The following RHEB variants were observed in gnomAD, a reference collection of about 807,000 sequenced individuals.
RHEB encodes Ras homolog, mTORC1 binding.
Under a neutral mutation model 28.8 loss-of-function variants are expected in RHEB, and 2 were observed. The ratio of observed to expected loss-of-function variants is 0.07; its 90% CI spans 0.03 to 0.22. The LOEUF is 0.22. Ranked by LOEUF, RHEB falls within the 10% of genes least tolerant of loss-of-function variation. The probability of loss-of-function intolerance (pLI) is 1.00; values close to 1 mark genes in which losing one functional copy is unlikely to be tolerated. For synonymous variants in RHEB, 69 were observed against 77.3 expected (o/e 0.89, Z 0.56); for missense variants, 76 against 219.9 (o/e 0.35, Z 4.14).
At chr7:151,510,911 CT>C (rs1157739290) in intron 1 of RHEB, among the ~76,000 whole-genome samples, 7 of 151,836 alleles carry the variant, frequency 4.6e-5, no homozygotes, top group African/African-American at 1.7e-4. Flanking sequence ...GACCTCATGT[CT>C]ACAAAAAAAT....
intron 2 of RHEB, among the ~76,000 whole-genome samples, chr7:151,490,644 G>A (rs547258982): frequency 6.6e-6 from 1 of 152,174 alleles, no homozygotes; most frequent in Non-Finnish European, 1.5e-5. Context: ...AAGGGGGTGT[G>A]GGGGAGAAGA....
At chr7:151,489,387 A>T (rs1462653975) in intron 2 of RHEB, among the ~76,000 whole-genome samples, 2 of 152,184 alleles carry the variant, frequency 1.3e-5, no homozygotes, top group South Asian at 4.1e-4. Flanking sequence ...CAGCTAGACA[A>T]ATCATAGGAT....
chr7:151,492,207 C>T (rs376507849), intron 1 of RHEB, among the ~76,000 whole-genome samples: 1 of 152,226 alleles, frequency 6.6e-6, no homozygotes, highest in Non-Finnish European at 1.5e-5. Flanking sequence ...TCTTACACTA[C>T]TGGGTTTAAT....
In RHEB at chr7:151,502,411, A is replaced by G. The variant is rs182124628; in HGVS notation, c.53-11397T>C. 130 of 803,338 alleles carry G rather than the reference A, an allele frequency of 1.6e-4. 1 individual carries two copies. The East Asian group carries it at 2.2e-3, about 13-fold the overall frequency. The allele number at this position is 803,338 out of a possible 1,614,324, so 49.8% of individuals were successfully genotyped here. ...GCCATCCAGTCCTGGGAGCCATTAC[A>G]TCTATACAACAAAGGCTCAAACTTT... On this transcript the variant is annotated intron_variant, in intron 1 of 7. Transcript: ENST00000262187.
intron 3 of RHEB, among the ~76,000 whole-genome samples, chr7:151,479,506 C>T (rs549339906): frequency 3.6e-4 from 54 of 152,044 alleles, no homozygotes; most frequent in Non-Finnish European, 2.9e-4. Context: ...CACAGTGAAA[C>T]CCCGTCTCCA....
At chr7:151,471,744 C>T (rs875588) in intron 4 of RHEB, 139 bp from the exon 5 acceptor site, 314,160 of 614,338 alleles carry the variant, frequency 0.51, 81,380 homozygotes, top group South Asian at 0.58. Context: ...CAAAGAACTC[C>T]TGTTTTTTCC....
intron 1 of RHEB, among the ~76,000 whole-genome samples, chr7:151,508,540 T>C (rs2150937595): frequency 6.6e-6 from 1 of 152,302 alleles, no homozygotes; most frequent in South Asian, 2.1e-4. Flanking sequence ...ATTTTGGACA[T>C]ACTGAGCTAA....
Position 151,497,214 on chromosome 7 carries a change from T to C in RHEB, c.53-6200A>G, listed in dbSNP as rs150117526. Among the ~76,000 whole-genome samples, 115 of 152,280 alleles carry C rather than the reference T, an allele frequency of 7.6e-4. 2 individuals are homozygous for C. In the East Asian group the frequency reaches 0.016, roughly 22 times the overall value. On this transcript the variant is annotated intron_variant, in intron 1 of 7. Coordinates refer to ENST00000262187, the MANE Select transcript of RHEB (RefSeq NM_005614.4). ...CTAAGGTCTATCCCTCCATGTCCCA[T>C]TGCTTTAGAATACTGAGTGGCTTCT...
At chr7:151,511,326 T>C (rs1464102368) in intron 1 of RHEB, among the ~76,000 whole-genome samples, 1 of 152,190 alleles carries the variant, frequency 6.6e-6, no homozygotes, top group Non-Finnish European at 1.5e-5. Flanking sequence ...CAAATGTCCA[T>C]GAGGAGTCCT....
At chr7:151,493,228 G>A (rs1029794567) in intron 1 of RHEB, among the ~76,000 whole-genome samples, 7 of 151,808 alleles carry the variant, frequency 4.6e-5, no homozygotes, top group African/African-American at 7.3e-5. Context: ...AACAGCCCCC[G>A]ACAACCCATC....
intron 1 of RHEB, among the ~76,000 whole-genome samples, chr7:151,504,628 T>C (rs1802834108): frequency 6.6e-6 from 1 of 152,232 alleles, no homozygotes; most frequent in Non-Finnish European, 1.5e-5. Context: ...CTGGTATATG[T>C]ACACATGAAT....
chr7:151,505,769 C>G (rs1487230552), intron 1 of RHEB, among the ~76,000 whole-genome samples: 2 of 152,142 alleles, frequency 1.3e-5, no homozygotes, highest in Admixed American at 6.5e-5. Context: ...AATGGGTGAT[C>G]AGATAAACAA....
intron 3 of RHEB, among the ~76,000 whole-genome samples, chr7:151,478,660 A>G (rs1802317724): frequency 6.6e-6 from 1 of 151,874 alleles, no homozygotes; most frequent in Non-Finnish European, 1.5e-5. Context: ...TTTGAGACGT[A>G]GTTTCCCTCT....
chr7:151,484,666 T>C, intron 3 of RHEB, 71 bp downstream of exon 3: 3 of 1,166,756 alleles, frequency 2.6e-6, no homozygotes, highest in South Asian at 2.5e-5. Flanking sequence ...CTGGTACTTT[T>C]AAAAATCAGT....
intron 1 of RHEB, among the ~76,000 whole-genome samples, chr7:151,509,159 C>T (rs1430475023): frequency 6.6e-6 from 1 of 152,158 alleles, no homozygotes; most frequent in Non-Finnish European, 1.5e-5. Context: ...TGTGGGGCCA[C>T]CCGGGCCCAG....
chr7:151,478,939 T>C (rs994639528), intron 3 of RHEB, among the ~76,000 whole-genome samples: 8 of 139,348 alleles, frequency 5.7e-5, no homozygotes, highest in Admixed American at 4.1e-4. Context: ...CCAGTCTGAT[T>C]TTTTTTTTTT....
At chr7:151,498,143 C>A in intron 1 of RHEB, 1 of 1,289,700 alleles carries the variant, frequency 7.8e-7, no homozygotes, top group Non-Finnish European at 1.0e-6. Context: ...AACTATAACA[C>A]CACTCACAAC....
intron 4 of RHEB, among the ~76,000 whole-genome samples, chr7:151,473,297 G>A (rs928175888): frequency 6.6e-6 from 1 of 152,238 alleles, no homozygotes; most frequent in Non-Finnish European, 1.5e-5. Context: ...AAGGAACTAA[G>A]AAGCTCAGTC....
At chr7:151,486,821 A>C (rs1223918671) in intron 2 of RHEB, among the ~76,000 whole-genome samples, 1 of 152,174 alleles carries the variant, frequency 6.6e-6, no homozygotes, top group Non-Finnish European at 1.5e-5. Context: ...GCAGAACCAA[A>C]AGGATTTTCT....
Sources: allele counts gnomAD v4.1 joint callset (sites outside exome capture counted in the v4.1 genomes callset), GRCh38; gene constraint gnomAD v4.1.1; transcripts MANE v1.5; gene names NCBI Gene and HGNC (gene_info 2026-07-23, HGNC 2026-07-21).